MAD1L1: variants seen among roughly 807,000 people sequenced by gnomAD.
MAD1L1 encodes mitotic arrest deficient 1 like 1.
Under a neutral mutation model 96.9 loss-of-function variants are expected in MAD1L1, and 95 were observed. The ratio of observed to expected loss-of-function variants is 0.98; its 90% CI spans 0.83 to 1.16. The LOEUF is 1.16. Ranked by LOEUF, MAD1L1 falls within the 50% of genes most tolerant of loss-of-function variation. The pLI is 0.00. For missense variants in MAD1L1, 1,007 were observed against 954.4 expected (o/e 1.06, Z -0.73); for synonymous variants, 473 against 396.6 (o/e 1.19, Z -2.29).
intron 18 of MAD1L1, among the ~76,000 whole-genome samples, chr7:1,897,839 C>T (rs572676184): frequency 2.0e-5 from 3 of 152,362 alleles, no homozygotes; most frequent in East Asian, 1.9e-4. Context: ...CGGCCCCACA[C>T]GGACTTCAGT....
At chr7:1,826,666 G>A (rs1000838463) in intron 18 of MAD1L1, among the ~76,000 whole-genome samples, 3 of 152,258 alleles carry the variant, frequency 2.0e-5, no homozygotes, top group African/African-American at 7.2e-5. Flanking sequence ...CCGCGCTGAG[G>A]GCCTGGCGGC....
rs147993089 is a variant in MAD1L1 at position 1,965,784 on chromosome 7, C to T, written c.1506-8065G>A. 1.2e-3 allele frequency among the ~76,000 whole-genome samples: 188 copies of T among 152,386 alleles called. 1 individual carries two copies. In the Middle Eastern group the frequency reaches 0.014, roughly 11 times the overall value. On this transcript the variant is annotated intron_variant, in intron 15 of 18. Coordinates refer to ENST00000265854, the MANE Select transcript of MAD1L1 (RefSeq NM_001013836.2). ...CTCTAGCTGCGTTTTCCTCCCTGTC[C>T]TCCCTCCTGCAGGGCCGGGCGTGGG...
At chr7:1,979,642 G>A (rs1393373213) in intron 15 of MAD1L1, among the ~76,000 whole-genome samples, 1 of 152,246 alleles carries the variant, frequency 6.6e-6, no homozygotes, top group Non-Finnish European at 1.5e-5. Context: ...TGCAGACCCT[G>A]CTCTAGGGGC....
At chr7:1,859,752 T>C (rs1436305913) in intron 18 of MAD1L1, among the ~76,000 whole-genome samples, 2 of 152,098 alleles carry the variant, frequency 1.3e-5, no homozygotes, top group Non-Finnish European at 2.9e-5. Context: ...CAGGGCGGCC[T>C]CTGTTCCCTA....
Position 1,907,543 on chromosome 7 carries a change from C to T in MAD1L1, c.1808-9153G>A, listed in dbSNP as rs114887524. Among the ~76,000 whole-genome samples the T allele has an allele frequency of 7.7e-3, 1,166 of 152,386 alleles. 17 individuals are homozygous for T. The highest frequency in any genetic ancestry group is 0.027 in the African/African-American group (1,109 of 41,588). On this transcript the variant is annotated intron_variant, in intron 17 of 18. Coordinates refer to ENST00000265854, the MANE Select transcript of MAD1L1 (RefSeq NM_001013836.2). ...AGGACAATCCTACTCGGCGTAGGCCCGGCCCCACTGATGACGCCGCCACGG... is the reference window on the plus strand; with the variant it reads ...AGGACAATCCTACTCGGCGTAGGCCTGGCCCCACTGATGACGCCGCCACGG...
At chr7:1,889,677 C>T (rs567623169) in intron 18 of MAD1L1, among the ~76,000 whole-genome samples, 23 of 152,372 alleles carry the variant, frequency 1.5e-4, no homozygotes, top group African/African-American at 4.1e-4. Flanking sequence ...TGGAGTTACA[C>T]GCTTCTTTCC....
intron 11 of MAD1L1, among the ~76,000 whole-genome samples, chr7:2,076,281 C>T (rs779221582): frequency 2.0e-5 from 3 of 152,208 alleles, no homozygotes; most frequent in Non-Finnish European, 4.4e-5. Context: ...GGTGACCAAA[C>T]GGGGGCCCCT....
intron 11 of MAD1L1, among the ~76,000 whole-genome samples, chr7:2,127,241 C>T (rs998529997): frequency 1.3e-5 from 2 of 152,166 alleles, no homozygotes; most frequent in Non-Finnish European, 2.9e-5. Flanking sequence ...CCGCCCTCCC[C>T]TACTTATGAC....
At chr7:1,866,127 A>T (rs540252391) in intron 18 of MAD1L1, among the ~76,000 whole-genome samples, 98 of 152,332 alleles carry the variant, frequency 6.4e-4, no homozygotes, top group African/African-American at 2.2e-3. Flanking sequence ...GATGCTCAGC[A>T]GGGCTGGTTG....
At chr7:1,838,587 C>T (rs1260961678) in intron 18 of MAD1L1, 6 of 360,518 alleles carry the variant, frequency 1.7e-5, no homozygotes, top group African/African-American at 6.4e-5. Flanking sequence ...CCAGAGACCA[C>T]TCGCCGCTGA....
chr7:2,194,185 G>A (rs866914621), intron 10 of MAD1L1, among the ~76,000 whole-genome samples: 1 of 151,950 alleles, frequency 6.6e-6, no homozygotes, highest in Non-Finnish European at 1.5e-5. Context: ...CTGAACTCCT[G>A]AGGTCAAGCA....
rs1363388409 is a variant in MAD1L1, at chr7:2,114,614, C to G, written c.1073+34538G>C. On this transcript the variant is annotated intron_variant, in intron 11 of 18. Coordinates refer to ENST00000265854, the MANE Select transcript of MAD1L1 (RefSeq NM_001013836.2). This position sits in a 1 kb window ranked among gnomAD's most constrained non-coding sequence, Gnocchi z 4.2. ...TTGAACGGTGGTTTCTTAACAGGGT[C>G]CAACAACTACAGCCTGTGGCCAAAT... 6.6e-6 allele frequency among the ~76,000 whole-genome samples: 1 copy of G among 152,248 alleles called. No individual in the cohort carries two copies. Among genetic ancestry groups the G allele is most frequent in the African/African-American group, 2.4e-5 (1 of 41,460 alleles).
intron 3 of MAD1L1, among the ~76,000 whole-genome samples, chr7:2,229,066 C>T (rs1794061711): frequency 6.6e-6 from 1 of 152,210 alleles, no homozygotes; most frequent in South Asian, 2.1e-4. Flanking sequence ...CACATTAATT[C>T]AATTATGCAA....
chr7:2,067,965 C>T (rs1784955658), intron 12 of MAD1L1, among the ~76,000 whole-genome samples: 1 of 148,234 alleles, frequency 6.7e-6, no homozygotes, highest in Non-Finnish European at 1.5e-5. Flanking sequence ...ACGCATCTTG[C>T]TTAGAAGCTC....
At chr7:2,020,481 C>T (rs1159033959) in intron 12 of MAD1L1, among the ~76,000 whole-genome samples, 3 of 152,218 alleles carry the variant, frequency 2.0e-5, no homozygotes, top group East Asian at 1.9e-4. Context: ...GAGACCGAGC[C>T]GCAGGGGGAC....
chr7:1,905,977 T>G (rs1700072702), intron 17 of MAD1L1, among the ~76,000 whole-genome samples: 1 of 140,526 alleles, frequency 7.1e-6, no homozygotes, highest in Non-Finnish European at 1.5e-5. Flanking sequence ...TTGAGCCCAG[T>G]AAGCAGAGGC....
chr7:2,079,756 G>GC, intron 11 of MAD1L1: 3 of 470,902 alleles, frequency 6.4e-6, no homozygotes, highest in South Asian at 4.6e-5. Flanking sequence ...GGCAAGCACG[G>GC]CCGCAGGGAG....
chr7:2,127,028 C>T (rs750059699), intron 11 of MAD1L1, among the ~76,000 whole-genome samples: 1 of 152,230 alleles, frequency 6.6e-6, no homozygotes, highest in African/African-American at 2.4e-5. Context: ...TCCGAGGCCT[C>T]GTTCCCAGGG....
intron 18 of MAD1L1, among the ~76,000 whole-genome samples, chr7:1,835,141 A>C (rs1179340040): frequency 1.3e-5 from 2 of 152,178 alleles, no homozygotes; most frequent in Non-Finnish European, 2.9e-5. Context: ...AAATCTCAGC[A>C]AACTAGGATT....
Sources: gnomAD v4.1 joint callset for allele counts (sites outside exome capture counted in the v4.1 genomes callset) on GRCh38, gnomAD v4.1.1 for gene constraint, Gnocchi (gnomAD v3.1) non-coding constraint, MANE v1.5 for transcripts, NCBI Gene and HGNC (gene_info 2026-07-23, HGNC 2026-07-21) for gene names.